The following GPR158 variants were observed in gnomAD, a reference collection of about 807,000 sequenced individuals.
GPR158 encodes the protein G protein-coupled receptor 158.
In GPR158, 30 loss-of-function variants were observed where a neutral mutation model predicts 78.2. The ratio of observed to expected loss-of-function variants is 0.38; its 90% CI spans 0.29 to 0.52. The LOEUF (loss-of-function observed/expected upper bound fraction) is 0.52. Ranked by LOEUF, GPR158 falls within the 20% of genes least tolerant of loss-of-function variation. The pLI is 0.83. For synonymous variants in GPR158, 581 were observed against 591.1 expected (o/e 0.98, Z 0.25); for missense variants, 1,463 against 1,523.5 (o/e 0.96, Z 0.66).
intron 2 of GPR158, among the ~76,000 whole-genome samples, chr10:25,302,970 C>T (rs1854620540): frequency 6.6e-6 from 1 of 152,142 alleles, no homozygotes; most frequent in Non-Finnish European, 1.5e-5. Context: ...CTCAATTCTT[C>T]GTCTGGTAGA....
intron 1 of GPR158, among the ~76,000 whole-genome samples, chr10:25,201,426 A>G (rs1411311287): frequency 2.0e-5 from 3 of 152,114 alleles, no homozygotes; most frequent in Non-Finnish European, 2.9e-5. Flanking sequence ...TCTGGGTATA[A>G]TATCATACCA....
At chr10:25,373,456 A>G (rs184935427) in intron 2 of GPR158, among the ~76,000 whole-genome samples, 3 of 152,046 alleles carry the variant, frequency 2.0e-5, no homozygotes, top group Admixed American at 1.3e-4. Context: ...TATAGATGAG[A>G]TTTAAATCTA....
At chr10:25,444,904 T>TAAGGAGGGGACTCAACTTCTC (rs1564457545) in intron 4 of GPR158, among the ~76,000 whole-genome samples, 1 of 152,158 alleles carries the variant, frequency 6.6e-6, no homozygotes, top group Non-Finnish European at 1.5e-5. Flanking sequence ...TGAGACTTCT[T>TAAGGAGGGGACTCAACTTCTC]AAGGAGGGGA....
intron 1 of GPR158, among the ~76,000 whole-genome samples, chr10:25,204,412 T>A (rs1459947137): frequency 3.9e-5 from 6 of 152,194 alleles, no homozygotes; most frequent in African/African-American, 1.4e-4. Flanking sequence ...GCTCTTATTA[T>A]TTTGAGAGAT....
At chr10:25,590,749 T>C (rs757077528) in intron 8 of GPR158, among the ~76,000 whole-genome samples, 32 of 152,328 alleles carry the variant, frequency 2.1e-4, no homozygotes, top group Non-Finnish European at 3.8e-4. Flanking sequence ...ATGTCTTCTA[T>C]GGTCAAAATG....
At chr10:25,421,243 G>A (rs1487107498) in intron 4 of GPR158, among the ~76,000 whole-genome samples, 2 of 151,988 alleles carry the variant, frequency 1.3e-5, no homozygotes, top group Non-Finnish European at 2.9e-5. Flanking sequence ...GATTTGTATT[G>A]TCCTTTAGTT....
intron 2 of GPR158, among the ~76,000 whole-genome samples, chr10:25,283,434 C>A (rs1804307914): frequency 6.6e-6 from 1 of 151,890 alleles, no homozygotes; most frequent in Non-Finnish European, 1.5e-5. Context: ...ATTGCAAATT[C>A]TTTTTTGTGA....
At chr10:25,289,290 A>C (rs891260204) in intron 2 of GPR158, among the ~76,000 whole-genome samples, 1 of 152,186 alleles carries the variant, frequency 6.6e-6, no homozygotes, top group Non-Finnish European at 1.5e-5. Context: ...AATAATTATG[A>C]CATGCAATAA....
Position 25,176,760 on chromosome 10 carries a change from A to G in GPR158, c.902+438A>G, listed in dbSNP as rs1301791791. 6.6e-6 allele frequency among the ~76,000 whole-genome samples: 1 copy of G among 152,190 alleles called. No individual in the cohort carries two copies. ...CGAAAAGGGAGCAGGAGGAACAGAG[A>G]GTTCCTTGTTTCTGCCACTTTGGGG... On this transcript the variant is annotated intron_variant, in intron 1 of 10. Transcript: ENST00000376351. The surrounding 1 kb of genome is among the most constrained non-coding windows in gnomAD (Gnocchi z 6.3).
intron 1 of GPR158, among the ~76,000 whole-genome samples, chr10:25,204,647 C>A (rs776065905): frequency 6.6e-6 from 1 of 151,998 alleles, no homozygotes; most frequent in Non-Finnish European, 1.5e-5. Context: ...CTGTTGGATT[C>A]GGTTTGCCAG....
At chr10:25,594,606 T>G (rs996433227) in intron 9 of GPR158, among the ~76,000 whole-genome samples, 1 of 152,128 alleles carries the variant, frequency 6.6e-6, no homozygotes, top group South Asian at 2.1e-4. Context: ...CAAAAACCCA[T>G]CATCTGTTTC....
chr10:25,245,801 T>C (rs1853681983), intron 2 of GPR158, among the ~76,000 whole-genome samples: 1 of 152,214 alleles, frequency 6.6e-6, no homozygotes, highest in South Asian at 2.1e-4. Flanking sequence ...GAAATAATGC[T>C]AATTGTGCAA....
At chr10:25,577,315 G>A (rs1190846483) in intron 7 of GPR158, among the ~76,000 whole-genome samples, 1 of 152,130 alleles carries the variant, frequency 6.6e-6, no homozygotes, top group African/African-American at 2.4e-5. Flanking sequence ...AAGAGGTAAT[G>A]TTCCCATATA....
At chr10:25,337,695 T>C (rs1166945095) in intron 2 of GPR158, among the ~76,000 whole-genome samples, 1 of 151,560 alleles carries the variant, frequency 6.6e-6, no homozygotes, top group Non-Finnish European at 1.5e-5. Flanking sequence ...CAAATACTAC[T>C]TTTTAGTAGA....
At chr10:25,539,011 G>A (rs1279008701) in intron 5 of GPR158, among the ~76,000 whole-genome samples, 1 of 152,132 alleles carries the variant, frequency 6.6e-6, no homozygotes, top group Non-Finnish European at 1.5e-5. Flanking sequence ...CGAGACCAGG[G>A]AGGGCACCTG....
At chr10:25,237,813 C>T (rs1448447528) in intron 2 of GPR158, among the ~76,000 whole-genome samples, 1 of 152,180 alleles carries the variant, frequency 6.6e-6, no homozygotes, top group Non-Finnish European at 1.5e-5. Flanking sequence ...ATGTTCTCAA[C>T]ATCAAATTTT....
chr10:25,366,135 T>A (rs923811081), intron 2 of GPR158, among the ~76,000 whole-genome samples: 4 of 112,310 alleles, frequency 3.6e-5, no homozygotes, highest in African/African-American at 8.4e-5. Flanking sequence ...AGACAAACTT[T>A]TGTTTTTGTT....
At chr10:25,378,939 A>G (rs1488209426) in intron 2 of GPR158, among the ~76,000 whole-genome samples, 1 of 152,026 alleles carries the variant, frequency 6.6e-6, no homozygotes, top group Admixed American at 6.6e-5. Context: ...ACAGACATGT[A>G]CTACTACACC....
At chr10:25,241,133 C>G (rs1480727666) in intron 2 of GPR158, among the ~76,000 whole-genome samples, 4 of 34,714 alleles carry the variant, frequency 1.2e-4, no homozygotes, top group South Asian at 8.7e-4. Flanking sequence ...GATTTTCTTT[C>G]TTTCTTTCTT....
Sources: allele counts gnomAD v4.1 joint callset (sites outside exome capture counted in the v4.1 genomes callset), GRCh38; gene constraint gnomAD v4.1.1; non-coding constraint Gnocchi (gnomAD v3.1); transcripts MANE v1.5; gene names NCBI Gene and HGNC (gene_info 2026-07-23, HGNC 2026-07-21).